DLGAP1: variants seen among roughly 807,000 people sequenced by gnomAD.
The protein encoded by DLGAP1 is DLG associated protein 1.
A neutral mutation model predicts 90.8 loss-of-function variants in DLGAP1; 11 were observed. The ratio of observed to expected loss-of-function variants is 0.12; its 90% CI spans 0.08 to 0.20. The LOEUF (loss-of-function observed/expected upper bound fraction) is 0.20, where lower values mean the gene tolerates loss of function less well. Ranked by LOEUF, DLGAP1 falls within the 10% of genes least tolerant of loss-of-function variation. DLGAP1 has a pLI of 1.00. For synonymous variants in DLGAP1, 558 were observed against 540.7 expected, an observed-to-expected ratio of 1.03 and a Z score of -0.44; for missense variants, 1,050 against 1,333.8, an observed-to-expected ratio of 0.79 and a Z score of 3.31.
At chr18:4,224,033 A>G (rs1199470800) in intron 1 of DLGAP1, among the ~76,000 whole-genome samples, 2 of 152,232 alleles carry the variant, frequency 1.3e-5, no homozygotes, top group East Asian at 3.9e-4. Flanking sequence ...CAGAGTCCTG[A>G]GACACTCATT....
At chr18:4,137,389 TC>T (rs1298010423) in intron 2 of DLGAP1, among the ~76,000 whole-genome samples, 1 of 152,166 alleles carries the variant, frequency 6.6e-6, no homozygotes, top group African/African-American at 2.4e-5. Flanking sequence ...CTGTTCTATC[TC>T]CAATATATGT....
intron 1 of DLGAP1, among the ~76,000 whole-genome samples, chr18:4,284,711 G>C (rs2079640454): frequency 1.3e-5 from 2 of 152,150 alleles, no homozygotes; most frequent in African/African-American, 4.8e-5. Flanking sequence ...TGGCCTTCTG[G>C]AGTGCCGCCT....
intron 1 of DLGAP1, among the ~76,000 whole-genome samples, chr18:4,441,646 C>T (rs773033662): frequency 2.0e-5 from 3 of 152,162 alleles, no homozygotes; most frequent in Admixed American, 6.5e-5. Context: ...CGTATGGCAA[C>T]AGTAGGAAAG....
intron 3 of DLGAP1, among the ~76,000 whole-genome samples, chr18:3,937,807 A>G (rs938000138): frequency 6.6e-5 from 10 of 152,136 alleles, no homozygotes; most frequent in African/African-American, 2.4e-4. Flanking sequence ...GTGGACACAT[A>G]TAATAGCGAT....
chr18:4,180,769 C>T (rs1049963978), intron 1 of DLGAP1, among the ~76,000 whole-genome samples: 4 of 86,440 alleles, frequency 4.6e-5, no homozygotes, highest in Non-Finnish European at 4.5e-5. Context: ...TTATCATATG[C>T]TCAGAGGTAG....
At chr18:3,892,953 G>A (rs1335254856) in intron 3 of DLGAP1, among the ~76,000 whole-genome samples, 1 of 149,894 alleles carries the variant, frequency 6.7e-6, no homozygotes, top group South Asian at 2.1e-4. Flanking sequence ...GGATACAAGT[G>A]CAGTTTTGTT....
In DLGAP1 at chr18:3,891,658, T is replaced by C. The variant is rs146358424; in HGVS notation, c.-72-11518A>G. 4.7e-3 allele frequency among the ~76,000 whole-genome samples: 717 copies of C among 152,294 alleles called. 7 individuals are homozygous for C. The highest frequency in any genetic ancestry group is 0.03 in the Admixed American group (451 of 15,288). On this transcript the variant is annotated intron_variant, in intron 3 of 12. Coordinates refer to ENST00000315677, the MANE Select transcript of DLGAP1 (RefSeq NM_004746.4). Reference sequence around the variant, plus strand: ...CCAGGCACGTGTTGTCCACTTTAAATGCATGATCTCATTTTAATCTCAAAC... The same window carrying C: ...CCAGGCACGTGTTGTCCACTTTAAACGCATGATCTCATTTTAATCTCAAAC...
At chr18:3,539,671 A>C (rs576084787) in intron 9 of DLGAP1, among the ~76,000 whole-genome samples, 5 of 152,378 alleles carry the variant, frequency 3.3e-5, no homozygotes, top group African/African-American at 1.2e-4. Context: ...TAAACTGAAG[A>C]GGTTCCATTC....
intron 1 of DLGAP1, among the ~76,000 whole-genome samples, chr18:4,157,038 C>T (rs1463527576): frequency 1.3e-5 from 2 of 152,010 alleles, no homozygotes; most frequent in African/African-American, 4.8e-5. Flanking sequence ...AAATTTTAAA[C>T]TAGAAACCAT....
chr18:4,132,858 C>A (rs1234662620), intron 2 of DLGAP1, among the ~76,000 whole-genome samples: 1 of 152,074 alleles, frequency 6.6e-6, no homozygotes. Flanking sequence ...TATCCAGGAG[C>A]TTTAATAAAA....
intron 7 of DLGAP1, among the ~76,000 whole-genome samples, chr18:3,654,371 C>T (rs1266331575): frequency 6.6e-6 from 1 of 152,124 alleles, no homozygotes; most frequent in African/African-American, 2.4e-5. Context: ...GCCATGACAC[C>T]CACTAATAAC....
chr18:4,386,710 T>C (rs560574591), intron 1 of DLGAP1, among the ~76,000 whole-genome samples: 1 of 152,232 alleles, frequency 6.6e-6, no homozygotes, highest in South Asian at 2.1e-4. Flanking sequence ...AATAGGGATA[T>C]GGGCAGCAAC....
intron 2 of DLGAP1, among the ~76,000 whole-genome samples, chr18:4,133,320 T>C (rs1303659206): frequency 6.6e-6 from 1 of 152,124 alleles, no homozygotes; most frequent in Non-Finnish European, 1.5e-5. Context: ...GGTACAAGGG[T>C]TGCCTCAGAT....
Position 3,879,255 on chromosome 18 carries a change from G to A in DLGAP1, c.814C>T (p.Pro272Ser), listed in dbSNP as rs1404202119. The change falls in exon 4 of 13, where the codon CCG becomes TCG. Residue 272 changes from proline (P) to serine (S), a missense_variant. Around this residue, in one of 2 missense-constraint regions of DLGAP1, gnomAD observed 485 missense variants for 454.1 expected, o/e 1.07. Coordinates refer to ENST00000315677, the MANE Select transcript of DLGAP1 (RefSeq NM_004746.4). The surrounding 1 kb of genome is among the most constrained non-coding windows in gnomAD (Gnocchi z 6.6). Reference sequence around the variant, plus strand: ...GACCAGGCGCTCTTCTTCAGCAGCGGGGTGTCCAGGCTGACCGGCAGGTTG... The same window carrying A: ...GACCAGGCGCTCTTCTTCAGCAGCGAGGTGTCCAGGCTGACCGGCAGGTTG... ...CANLPVSLDT[P>S]LLKKSAWSST... 1 of 1,598,924 alleles carries A rather than the reference G, an allele frequency of 6.3e-7. No individual in the cohort carries two copies. The highest frequency in any genetic ancestry group is 8.5e-7 in the Non-Finnish European group (1 of 1,172,358).
Position 4,093,014 on chromosome 18 carries a change from T to G in DLGAP1, c.-159+58166A>C, listed in dbSNP as rs890031162. Among the ~76,000 whole-genome samples the G allele has an allele frequency of 1.5e-4, 23 of 152,244 alleles. 1 individual carries two copies. Among genetic ancestry groups the G allele is most frequent in the African/African-American group, 5.1e-4 (21 of 41,464 alleles). On this transcript the variant is annotated intron_variant, in intron 2 of 12. Coordinates refer to ENST00000315677, the MANE Select transcript of DLGAP1 (RefSeq NM_004746.4). ...CTGGAGGAGCTTGTCTTTCTTAGGA[T>G]TTCAGGCTACTTGTTTACGTGTGAC...
At chr18:3,767,600 T>G (rs1412853893) in intron 5 of DLGAP1, among the ~76,000 whole-genome samples, 1 of 152,002 alleles carries the variant, frequency 6.6e-6, no homozygotes, top group South Asian at 2.1e-4. Context: ...CTTTCAGAAA[T>G]GCAAGGCCCG....
chr18:4,101,175 C>G (rs566175299), intron 2 of DLGAP1, among the ~76,000 whole-genome samples: 1 of 152,244 alleles, frequency 6.6e-6, no homozygotes, highest in South Asian at 2.1e-4. Flanking sequence ...TCATTTCTAG[C>G]TTTTGGTTTA....
chr18:3,914,459 G>A (rs2148900613), intron 3 of DLGAP1, among the ~76,000 whole-genome samples: 1 of 152,238 alleles, frequency 6.6e-6, no homozygotes, highest in Admixed American at 6.5e-5. Context: ...CATTGTTGAT[G>A]GACACTTAGA....
chr18:4,203,569 G>A (rs1354644913), intron 1 of DLGAP1, among the ~76,000 whole-genome samples: 2 of 152,028 alleles, frequency 1.3e-5, no homozygotes, highest in African/African-American at 2.4e-5. Context: ...AAAACGTAGG[G>A]GCATTTAAGC....
Sources: gnomAD v4.1 joint callset for allele counts (sites outside exome capture counted in the v4.1 genomes callset) on GRCh38, gnomAD v4.1.1 for gene constraint, gnomAD v4.1.1 regional missense constraint, Gnocchi (gnomAD v3.1) non-coding constraint, MANE v1.5 for transcripts, NCBI Gene and HGNC (gene_info 2026-07-23, HGNC 2026-07-21) for gene names.